IL1RAPL1: variants seen among roughly 807,000 people sequenced by gnomAD.
IL1RAPL1 encodes interleukin-1 receptor accessory protein-like 1.
IL1RAPL1 carries 3 observed loss-of-function variants against 48.4 expected under a neutral mutation model. That is an observed-to-expected ratio of 0.06 (90% CI 0.03 to 0.16). The LOEUF (loss-of-function observed/expected upper bound fraction) is 0.16, where lower values mean the gene tolerates loss of function less well. Among genes scored for constraint, IL1RAPL1 ranks in the 10% least tolerant of loss-of-function variants. IL1RAPL1 has a pLI of 1.00. For missense variants in IL1RAPL1, 349 were observed against 530.6 expected (o/e 0.66, Z 3.36); for synonymous variants, 185 against 187.7 (o/e 0.99, Z 0.12).
intron 6 of IL1RAPL1, among the ~76,000 whole-genome samples, chrX:29,805,368 C>T (rs1391181652): frequency 2.7e-5 from 3 of 109,575 alleles, no homozygotes; most frequent in Admixed American, 9.9e-5. Flanking sequence ...ATTGGTATAC[C>T]TTCTCCAAGC....
intron 2 of IL1RAPL1, among the ~76,000 whole-genome samples, chrX:29,164,313 A>G (rs1039008976): frequency 1.8e-5 from 2 of 111,857 alleles, no homozygotes; most frequent in Non-Finnish European, 3.8e-5. Flanking sequence ...TTGTATCCCC[A>G]GATCCCAGTG....
chrX:29,324,863 G>A (rs368483437), intron 3 of IL1RAPL1, among the ~76,000 whole-genome samples: 1 of 111,361 alleles, frequency 9.0e-6, no homozygotes, highest in East Asian at 2.8e-4. Context: ...TACATTGTTG[G>A]TATTATTCAA....
At chrX:29,804,272 C>T (rs1930200322) in intron 6 of IL1RAPL1, among the ~76,000 whole-genome samples, 1 of 111,340 alleles carries the variant, frequency 9.0e-6, no homozygotes, top group Non-Finnish European at 1.9e-5. Context: ...CTTACTGTTA[C>T]TTAGGGCCCG....
At chrX:29,310,609 T>C (rs1480484917) in intron 3 of IL1RAPL1, among the ~76,000 whole-genome samples, 3 of 107,441 alleles carry the variant, frequency 2.8e-5, no homozygotes, top group South Asian at 3.7e-4. Context: ...AGGTGCTCAA[T>C]TGAGAAATCA....
intron 2 of IL1RAPL1, among the ~76,000 whole-genome samples, chrX:28,890,249 A>C (rs1406984053): frequency 9.0e-6 from 1 of 111,490 alleles, no homozygotes; most frequent in Non-Finnish European, 1.9e-5. Context: ...CATTTTTAGG[A>C]TATATATTGG....
intron 5 of IL1RAPL1, among the ~76,000 whole-genome samples, chrX:29,507,068 C>T (rs1935339122): frequency 9.1e-6 from 1 of 109,387 alleles, no homozygotes; most frequent in Non-Finnish European, 1.9e-5. Flanking sequence ...TAAGAACTGT[C>T]TCATCCTCAT....
intron 2 of IL1RAPL1, among the ~76,000 whole-genome samples, chrX:29,138,509 G>A (rs970100118): frequency 3.6e-5 from 4 of 110,685 alleles, no homozygotes; most frequent in Admixed American, 1.9e-4. Context: ...GGCTCATGCC[G>A]GTAATCCCGG....
At chrX:28,704,850 C>CTG (rs1210521980) in intron 1 of IL1RAPL1, among the ~76,000 whole-genome samples, 2 of 53,535 alleles carry the variant, frequency 3.7e-5, no homozygotes, top group East Asian at 2.0e-3. Flanking sequence ...AAAAAAAAAA[C>CTG]TGTGACTGGA....
At chrX:29,657,826 T>TTTG (rs1263942878) in intron 5 of IL1RAPL1, among the ~76,000 whole-genome samples, 21 of 98,750 alleles carry the variant, frequency 2.1e-4, no homozygotes, top group African/African-American at 8.2e-4. Flanking sequence ...TAGTGACTGT[T>TTTG]TTTTTTTTTT....
At chrX:29,161,507 G>T (rs937838726) in intron 2 of IL1RAPL1, among the ~76,000 whole-genome samples, 1 of 111,915 alleles carries the variant, frequency 8.9e-6, no homozygotes, top group African/African-American at 3.2e-5. Flanking sequence ...AACTTTCGCA[G>T]ACACCTCTAG....
chrX:28,614,945 G>A (rs746414296), intron 1 of IL1RAPL1, among the ~76,000 whole-genome samples: 1 of 110,941 alleles, frequency 9.0e-6, no homozygotes, highest in African/African-American at 3.3e-5. Flanking sequence ...CTGGAGTGCA[G>A]TTGGGAGATC....
intron 6 of IL1RAPL1, among the ~76,000 whole-genome samples, chrX:29,690,918 G>A (rs1382353085): frequency 1.4e-4 from 16 of 111,091 alleles, no homozygotes; most frequent in African/African-American, 4.9e-4. Flanking sequence ...GGGAAAGAAG[G>A]TACTATATAT....
chrX:28,691,796 A>G (rs1164207999), intron 1 of IL1RAPL1, among the ~76,000 whole-genome samples: 1 of 111,527 alleles, frequency 9.0e-6, no homozygotes, highest in Non-Finnish European at 1.9e-5. Flanking sequence ...ATAATTTTTA[A>G]TTCCTCACCA....
chrX:28,724,038 T>C (rs1385973804), intron 1 of IL1RAPL1, among the ~76,000 whole-genome samples: 1 of 111,701 alleles, frequency 9.0e-6, no homozygotes, highest in Non-Finnish European at 1.9e-5. Flanking sequence ...TTGGAATAAG[T>C]GTGATGTGGT....
intron 7 of IL1RAPL1, among the ~76,000 whole-genome samples, chrX:29,919,119 T>C (rs188045673): frequency 8.9e-6 from 1 of 112,314 alleles, no homozygotes; most frequent in Admixed American, 9.4e-5. Flanking sequence ...ATAAGAATAT[T>C]GTACTCTAGA....
At chrX:28,806,885 T>C (rs933008706) in intron 2 of IL1RAPL1, among the ~76,000 whole-genome samples, 3 of 111,159 alleles carry the variant, frequency 2.7e-5, no homozygotes, top group African/African-American at 6.5e-5. Context: ...CCTTCTAAGT[T>C]TTCAATTAGG....
At chrX:28,659,208 C>A in intron 1 of IL1RAPL1, 1 of 757,196 alleles carries the variant, frequency 1.3e-6, no homozygotes, top group Non-Finnish European at 2.0e-6. Flanking sequence ...GCACCGATAG[C>A]TGCACTCTGG....
intron 1 of IL1RAPL1, among the ~76,000 whole-genome samples, chrX:28,762,815 CACACACACAGAGAGAGAGAGAGAG>C (rs772009023): frequency 0.075 from 3,936 of 52,594 alleles, 61 homozygotes; most frequent in Middle Eastern, 0.17. Context: ...CACACACACA[CACACACACAGAGAGAGAGAGAGAG>C]AGAGAGAGAG....
rs1236250269 is a variant in IL1RAPL1, at chrX:29,538,328, CTT to C, written c.704-130099_704-130098del. Among the ~76,000 whole-genome samples the C allele has an allele frequency of 5.4e-5, 4 of 73,863 alleles. No homozygotes were observed. In the East Asian group the frequency reaches 2.0e-3, roughly 38 times the overall value. The allele number at this position is 73,863 out of a possible 115,157, so 64.1% of individuals were successfully genotyped here. On this transcript the variant is annotated intron_variant, in intron 5 of 10. Transcript: ENST00000378993. ...AATATATATAATCTTAAAGGTTTTTCTTTTCTTTTCTTTTTTTTTTTTTTTTT... is the reference window on the plus strand; with the variant it reads ...AATATATATAATCTTAAAGGTTTTTCTTCTTTTCTTTTTTTTTTTTTTTTT...
Sources: gnomAD v4.1 joint callset for allele counts (sites outside exome capture counted in the v4.1 genomes callset) on GRCh38, gnomAD v4.1.1 for gene constraint, MANE v1.5 for transcripts, NCBI Gene and HGNC (gene_info 2026-07-23, HGNC 2026-07-21) for gene names.